Variants in GALNT13 observed in about 807,000 individuals in gnomAD.
The protein encoded by GALNT13 is polypeptide N-acetylgalactosaminyltransferase 13.
Under a neutral mutation model 64.2 loss-of-function variants are expected in GALNT13, and 28 were observed. That is an observed-to-expected ratio of 0.44 (90% CI 0.32 to 0.60). GALNT13 has a LOEUF of 0.60. Ranked by LOEUF, GALNT13 falls within the 20% of genes least tolerant of loss-of-function variation. The probability of loss-of-function intolerance (pLI) is 0.05; values close to 1 mark genes in which losing one functional copy is unlikely to be tolerated. For missense variants in GALNT13, 577 were observed against 669.8 expected (o/e 0.86, Z 1.53); for synonymous variants, 214 against 224.6 (o/e 0.95, Z 0.42).
the GALNT13 span, among the ~76,000 whole-genome samples, chr2:153,659,478 C>G: frequency 6.6e-6 from 1 of 152,122 alleles, no homozygotes. Context: ...TCTTCCTCTT[C>G]CTTCGAAGCT....
the GALNT13 span, among the ~76,000 whole-genome samples, chr2:153,549,383 G>A: frequency 2.0e-5 from 3 of 152,098 alleles, no homozygotes; most frequent in Admixed American, 6.5e-5. Context: ...ATAGGTCAAC[G>A]GTAGACTGAA....
At chr2:153,223,599 G>A in the GALNT13 span, among the ~76,000 whole-genome samples, 2 of 152,082 alleles carry the variant, frequency 1.3e-5, no homozygotes, top group Admixed American at 6.5e-5. Flanking sequence ...GTCAAAGGAG[G>A]CTCAAAAGAA....
intron 4 of GALNT13, among the ~76,000 whole-genome samples, chr2:154,149,045 G>C (rs1281208593): frequency 6.6e-6 from 1 of 152,108 alleles, no homozygotes; most frequent in African/African-American, 2.4e-5. Flanking sequence ...TTCTTCTAGG[G>C]TTTTTATGGT....
At chr2:153,579,730 C>T in the GALNT13 span, among the ~76,000 whole-genome samples, 4 of 152,094 alleles carry the variant, frequency 2.6e-5, no homozygotes, top group Admixed American at 1.3e-4. Flanking sequence ...CGCCTGAGCT[C>T]CACCTCTCAT....
the GALNT13 span, among the ~76,000 whole-genome samples, chr2:153,071,407 A>T: frequency 2.0e-5 from 3 of 152,232 alleles, no homozygotes; most frequent in African/African-American, 7.2e-5. Flanking sequence ...ACTGCCATGC[A>T]GCAGAGCACA....
chr2:154,146,721 A>G (rs1683624104), intron 4 of GALNT13, among the ~76,000 whole-genome samples: 1 of 152,082 alleles, frequency 6.6e-6, no homozygotes, highest in Non-Finnish European at 1.5e-5. Flanking sequence ...GCAGAAATAG[A>G]AATGCTGTCA....
chr2:153,859,852 C>T, the GALNT13 span, among the ~76,000 whole-genome samples: 2 of 152,132 alleles, frequency 1.3e-5, no homozygotes, highest in East Asian at 3.9e-4. Context: ...TACTACCATA[C>T]ATTCAGCATT....
chr2:153,962,287 T>C (rs529765157), intron 3 of GALNT13, among the ~76,000 whole-genome samples: 72 of 152,292 alleles, frequency 4.7e-4, no homozygotes, highest in African/African-American at 1.7e-3. Context: ...ATATTTACAT[T>C]GTAGTAGTCA....
rs770744956 is a variant in GALNT13, at chr2:154,345,915, CT to C, written c.1156+44329del. On this transcript the variant is annotated intron_variant, in intron 9 of 12. Transcript: ENST00000392825. ...TAAAGAAAATATTTGTAGATATTAT[CT>C]TTCCTCTTTCTACTGCATCCAAATT... is the stretch of plus-strand genomic sequence containing the variant. Among the ~76,000 whole-genome samples the C allele has an allele frequency of 2.4e-4, 36 of 152,182 alleles. No individual in the cohort carries two copies. In the East Asian group the frequency reaches 2.5e-3, roughly 11 times the overall value.
At chr2:154,237,525 T>TATATAC (rs1689257503) in intron 4 of GALNT13, among the ~76,000 whole-genome samples, 2 of 147,120 alleles carry the variant, frequency 1.4e-5, no homozygotes, top group Admixed American at 6.8e-5. Flanking sequence ...GCTTTATATA[T>TATATAC]ATATATATAT....
chr2:154,157,233 A>C (rs1407949596), intron 4 of GALNT13, among the ~76,000 whole-genome samples: 1 of 152,032 alleles, frequency 6.6e-6, no homozygotes, highest in African/African-American at 2.4e-5. Context: ...CTACCCATTT[A>C]CTTGAATTTG....
At chr2:154,130,765 G>T (rs978759437) in intron 3 of GALNT13, among the ~76,000 whole-genome samples, 1 of 152,148 alleles carries the variant, frequency 6.6e-6, no homozygotes, top group African/African-American at 2.4e-5. Context: ...TATGACAAAA[G>T]TGAGTATATT....
At chr2:153,861,559 C>CTTTCT in the GALNT13 span, among the ~76,000 whole-genome samples, 2 of 118,202 alleles carry the variant, frequency 1.7e-5, no homozygotes, top group Admixed American at 9.0e-5. Context: ...TTCTTTCTTT[C>CTTTCT]TTTTTTTTTT....
intron 3 of GALNT13, among the ~76,000 whole-genome samples, chr2:154,061,348 G>A (rs1342390101): frequency 1.3e-5 from 2 of 152,188 alleles, no homozygotes; most frequent in Non-Finnish European, 2.9e-5. Flanking sequence ...TCCGCCATGT[G>A]ACCTGACAGG....
At chr2:154,441,561 T>C (rs1701298903) in intron 12 of GALNT13, among the ~76,000 whole-genome samples, 1 of 152,100 alleles carries the variant, frequency 6.6e-6, no homozygotes, top group South Asian at 2.1e-4. Flanking sequence ...ATTACACCGC[T>C]AGCAGCAGAG....
chr2:154,093,346 T>C (rs1418910937), intron 3 of GALNT13, among the ~76,000 whole-genome samples: 1 of 151,916 alleles, frequency 6.6e-6, no homozygotes, highest in Non-Finnish European at 1.5e-5. Flanking sequence ...ATGTTTGGAG[T>C]AAAGAGTAAT....
the GALNT13 span, among the ~76,000 whole-genome samples, chr2:153,181,225 T>C: frequency 6.6e-6 from 1 of 151,830 alleles, no homozygotes; most frequent in Non-Finnish European, 1.5e-5. Context: ...TGTCTCAAGA[T>C]ATTTTTAAAT....
At chr2:154,121,556 A>G (rs1200630064) in intron 3 of GALNT13, among the ~76,000 whole-genome samples, 2 of 152,250 alleles carry the variant, frequency 1.3e-5, no homozygotes, top group Admixed American at 1.3e-4. Context: ...TTACACCTAA[A>G]TGTTTAATTT....
chr2:153,114,778 A>T, the GALNT13 span, among the ~76,000 whole-genome samples: 382 of 152,232 alleles, frequency 2.5e-3, 3 homozygotes, highest in East Asian at 4.8e-3. Flanking sequence ...GCAAAAACTG[A>T]GTTTACCAAT....
Sources: allele counts gnomAD v4.1 joint callset (sites outside exome capture counted in the v4.1 genomes callset), GRCh38; gene constraint gnomAD v4.1.1; transcripts MANE v1.5; gene names NCBI Gene and HGNC (gene_info 2026-07-23, HGNC 2026-07-21).